FARP1: variants seen among roughly 807,000 people sequenced by gnomAD.
The protein encoded by FARP1 is FERM, ARHGEF and pleckstrin domain-containing protein 1.
In FARP1, 52 loss-of-function variants were observed where a neutral mutation model predicts 128.8. The observed-to-expected ratio is 0.40, with a 90% CI of 0.32 to 0.51. The LOEUF is 0.51. Ranked by LOEUF, FARP1 falls within the 20% of genes least tolerant of loss-of-function variation. The pLI is 0.45. For synonymous variants in FARP1, 580 were observed against 551.8 expected (o/e 1.05, Z -0.72); for missense variants, 1,333 against 1,367.9 (o/e 0.97, Z 0.40).
At chr13:98,214,064 A>T (rs9582201) in intron 2 of FARP1, among the ~76,000 whole-genome samples, 3 of 151,976 alleles carry the variant, frequency 2.0e-5, no homozygotes, top group Non-Finnish European at 4.4e-5. Flanking sequence ...GAGGTGTCAC[A>T]GGAGGAGCCG....
chr13:98,286,746 G>A (rs570675314), intron 2 of FARP1, among the ~76,000 whole-genome samples: 1 of 152,176 alleles, frequency 6.6e-6, no homozygotes, highest in African/African-American at 2.4e-5. Context: ...CATTGATCCA[G>A]TCAACATTTA....
chr13:98,273,714 G>C (rs935845316), intron 2 of FARP1, among the ~76,000 whole-genome samples: 2 of 152,224 alleles, frequency 1.3e-5, no homozygotes, highest in African/African-American at 4.8e-5. Context: ...AACATAGCTC[G>C]TGTGAAGCAG....
chr13:98,322,646 ACTCTTGTG>A (rs1400594213), intron 2 of FARP1, among the ~76,000 whole-genome samples: 2 of 151,874 alleles, frequency 1.3e-5, no homozygotes, highest in East Asian at 3.9e-4. Context: ...CAGAAGGAAA[ACTCTTGTG>A]TGATAGGAAG....
chr13:98,276,414 T>C (rs926750139), intron 2 of FARP1, among the ~76,000 whole-genome samples: 1 of 152,086 alleles, frequency 6.6e-6, no homozygotes, highest in Non-Finnish European at 1.5e-5. Context: ...CATAATATTA[T>C]GGCATAACAG....
At chr13:98,145,338 G>C (rs1875446435) in intron 1 of FARP1, among the ~76,000 whole-genome samples, 1 of 152,188 alleles carries the variant, frequency 6.6e-6, no homozygotes, top group Non-Finnish European at 1.5e-5. Flanking sequence ...CTTTTGAAGC[G>C]TGGTTTCTAA....
chr13:98,367,211 C>T (rs1206772860), intron 4 of FARP1, among the ~76,000 whole-genome samples: 3 of 152,060 alleles, frequency 2.0e-5, no homozygotes, highest in African/African-American at 7.2e-5. Flanking sequence ...GGCTGGAGTG[C>T]AGTGGCACGA....
chr13:98,394,732 C>G (rs1469944260), intron 12 of FARP1, among the ~76,000 whole-genome samples: 1 of 152,122 alleles, frequency 6.6e-6, no homozygotes, highest in African/African-American at 2.4e-5. Context: ...CCCAGGAGTT[C>G]AAGCGCAGCC....
At chr13:98,447,976 C>CCTAA (rs1892960292) in intron 26 of FARP1, 1 of 522,498 alleles carries the variant, frequency 1.9e-6, no homozygotes, top group African/African-American at 1.9e-5. Context: ...CCACCTCGCT[C>CCTAA]CTAACTGCTC....
chr13:98,396,017 C>G (rs1254002789), intron 13 of FARP1: 3 of 398,996 alleles, frequency 7.5e-6, no homozygotes, highest in Non-Finnish European at 4.4e-6. Flanking sequence ...GAACGCTGGT[C>G]CCCCACCTCG....
chr13:98,324,091 A>T (rs1263178659), intron 2 of FARP1, among the ~76,000 whole-genome samples: 1 of 152,246 alleles, frequency 6.6e-6, no homozygotes, highest in East Asian at 1.9e-4. Context: ...AAGTTTCATT[A>T]AAGAGTTAAG....
In FARP1 at chr13:98,453,804, A is replaced by G. The variant is rs993434268; in HGVS notation, c.*5487A>G. 1 of 143,126 alleles carries G rather than the reference A, an allele frequency of 7.0e-6. No individual in the cohort carries two copies. 8.9% of individuals were successfully genotyped at this position (143,126 alleles called of 1,614,324 possible). On this transcript the variant is annotated 3_prime_UTR_variant, in exon 27 of 27. Transcript: ENST00000319562. The stretch of plus-strand genomic sequence containing the variant: ...AAATAACAGACTAAAAATGGTAATT[A>G]TCTGTATTTACATATATATATTAAA...
chr13:98,358,811 G>T (rs1296182425), intron 3 of FARP1, among the ~76,000 whole-genome samples: 1 of 151,702 alleles, frequency 6.6e-6, no homozygotes, highest in African/African-American at 2.4e-5. Flanking sequence ...AATTTTTTTT[G>T]TATTTTTTGT....
intron 3 of FARP1, among the ~76,000 whole-genome samples, chr13:98,344,295 G>T (rs1401781658): frequency 1.3e-5 from 2 of 152,126 alleles, no homozygotes; most frequent in Non-Finnish European, 2.9e-5. Flanking sequence ...GAGAGTAGAG[G>T]GGCTGGCAGG....
chr13:98,369,658 T>G (rs965814038), intron 5 of FARP1, among the ~76,000 whole-genome samples: 1 of 152,148 alleles, frequency 6.6e-6, no homozygotes, highest in African/African-American at 2.4e-5. Flanking sequence ...GAATGATGAT[T>G]TCCAGTTTCA....
chr13:98,255,982 C>T (rs542184253), intron 2 of FARP1, among the ~76,000 whole-genome samples: 8 of 152,306 alleles, frequency 5.3e-5, no homozygotes, highest in South Asian at 4.2e-4. Context: ...CACCAGTAAA[C>T]GTTAAAGCAA....
At chr13:98,183,460 G>A (rs1878660459) in intron 1 of FARP1, among the ~76,000 whole-genome samples, 1 of 152,092 alleles carries the variant, frequency 6.6e-6, no homozygotes, top group Non-Finnish European at 1.5e-5. Flanking sequence ...CTCTTAGTCT[G>A]TTACCTTCGT....
chr13:98,196,171 G>T (rs1270405744), intron 1 of FARP1, among the ~76,000 whole-genome samples: 1 of 152,234 alleles, frequency 6.6e-6, no homozygotes, highest in African/African-American at 2.4e-5. Context: ...TCAAACAGGT[G>T]AGAGGTTTGG....
chr13:98,173,745 A>T (rs1442295027), intron 1 of FARP1, among the ~76,000 whole-genome samples: 2 of 152,138 alleles, frequency 1.3e-5, no homozygotes, highest in African/African-American at 4.8e-5. Context: ...GACCGGAAAG[A>T]TAGGGGTTGG....
chr13:98,195,620 G>C (rs938381560), intron 1 of FARP1, among the ~76,000 whole-genome samples: 3 of 152,120 alleles, frequency 2.0e-5, no homozygotes, highest in Admixed American at 2.0e-4. Context: ...TCTTTTGTGG[G>C]TACTCAGTGT....
Sources: gnomAD v4.1 joint callset for allele counts (sites outside exome capture counted in the v4.1 genomes callset) on GRCh38, gnomAD v4.1.1 for gene constraint, MANE v1.5 for transcripts, NCBI Gene and HGNC (gene_info 2026-07-23, HGNC 2026-07-21) for gene names.